LY96: variants seen among roughly 807,000 people sequenced by gnomAD.
The protein encoded by LY96 is lymphocyte antigen 96.
A neutral mutation model predicts 18.9 loss-of-function variants in LY96; 18 were observed. The observed-to-expected ratio is 0.95, with a 90% confidence interval of 0.66 to 1.41. The LOEUF (loss-of-function observed/expected upper bound fraction) is 1.41, where lower values mean the gene tolerates loss of function less well. Among genes scored for constraint, LY96 ranks in the 40% most tolerant of loss-of-function variants. The pLI is 0.00. For synonymous variants in LY96, 66 were observed against 62.6 expected (o/e 1.06, Z -0.26); for missense variants, 175 against 182.4 (o/e 0.96, Z 0.23).
At chr8:74,065,951 C>A in the LY96 span, among the ~76,000 whole-genome samples, 2 of 152,132 alleles carry the variant, frequency 1.3e-5, no homozygotes, top group African/African-American at 4.8e-5. Context: ...TTTGGACATG[C>A]AGGACAATTC....
intron 3 of LY96, among the ~76,000 whole-genome samples, chr8:74,021,586 G>A (rs1024279992): frequency 2.0e-4 from 30 of 152,194 alleles, no homozygotes; most frequent in African/African-American, 7.2e-4. Context: ...TACCCAAAGG[G>A]TTATAAATCA....
the LY96 span, among the ~76,000 whole-genome samples, chr8:74,088,009 A>C: frequency 1.1e-4 from 16 of 151,778 alleles, no homozygotes; most frequent in Admixed American, 3.3e-4. Flanking sequence ...CTAACCACCC[A>C]TCTACCTGAG....
intron 1 of LY96, among the ~76,000 whole-genome samples, chr8:74,001,434 G>T (rs1391994270): frequency 6.6e-6 from 1 of 151,930 alleles, no homozygotes; most frequent in African/African-American, 2.4e-5. Flanking sequence ...TTGCTATGTT[G>T]GCCAGGCTGA....
the LY96 span, chr8:74,052,759 A>G: frequency 3.3e-5 from 5 of 152,204 alleles, no homozygotes; most frequent in Admixed American, 2.0e-4. Flanking sequence ...CATCAATTGC[A>G]TACATTAGAA....
the LY96 span, among the ~76,000 whole-genome samples, chr8:74,035,864 C>A: frequency 6.6e-6 from 1 of 152,148 alleles, no homozygotes; most frequent in African/African-American, 2.4e-5. Context: ...AGCCCCTCAA[C>A]CTCTTTGGGT....
intron 1 of LY96, among the ~76,000 whole-genome samples, chr8:73,996,187 A>G (rs919448449): frequency 2.0e-5 from 3 of 152,140 alleles, no homozygotes; most frequent in East Asian, 1.9e-4. Flanking sequence ...AATTTTTTGT[A>G]GAGACAGTGT....
At chr8:74,050,644 G>C in the LY96 span, among the ~76,000 whole-genome samples, 2 of 151,936 alleles carry the variant, frequency 1.3e-5, no homozygotes, top group African/African-American at 2.4e-5. Flanking sequence ...TCATATTGTT[G>C]CTAATTAAAT....
chr8:73,997,481 G>A (rs1477810710), intron 1 of LY96, among the ~76,000 whole-genome samples: 1 of 152,176 alleles, frequency 6.6e-6, no homozygotes, highest in Non-Finnish European at 1.5e-5. Context: ...GTTAGATAAT[G>A]TGACCCCTCC....
At chr8:74,008,186 G>A (rs1181635269) in intron 2 of LY96, among the ~76,000 whole-genome samples, 1 of 152,224 alleles carries the variant, frequency 6.6e-6, no homozygotes, top group Non-Finnish European at 1.5e-5. Context: ...CAAGGACAAG[G>A]AGTTTCTCAC....
the LY96 span, among the ~76,000 whole-genome samples, chr8:74,081,613 C>T: frequency 5.9e-5 from 9 of 151,354 alleles, no homozygotes; most frequent in Admixed American, 1.3e-4. Context: ...AGTCTGGTCT[C>T]GAGCTCCTGG....
At chr8:74,060,269 G>A in the LY96 span, among the ~76,000 whole-genome samples, 1 of 152,204 alleles carries the variant, frequency 6.6e-6, no homozygotes, top group Non-Finnish European at 1.5e-5. Flanking sequence ...GGTGTTTTCA[G>A]TTATAACAAA....
chr8:74,084,250 C>G, the LY96 span, among the ~76,000 whole-genome samples: 8 of 152,262 alleles, frequency 5.3e-5, no homozygotes, highest in African/African-American at 1.7e-4. Context: ...TCTGGAGACA[C>G]AAAATGCTGA....
the LY96 span, among the ~76,000 whole-genome samples, chr8:74,038,823 A>G: frequency 2.6e-5 from 4 of 152,256 alleles, no homozygotes; most frequent in Non-Finnish European, 5.9e-5. Flanking sequence ...TGCAATAAAC[A>G]TGGGCATGCA....
At chr8:74,086,248 G>C in the LY96 span, among the ~76,000 whole-genome samples, 2 of 152,072 alleles carry the variant, frequency 1.3e-5, no homozygotes, top group Admixed American at 1.3e-4. Flanking sequence ...CCCAATCCTT[G>C]ACTTCTTTTC....
chr8:74,042,771 G>GT, the LY96 span, among the ~76,000 whole-genome samples: 1 of 149,284 alleles, frequency 6.7e-6, no homozygotes, highest in African/African-American at 2.5e-5. Flanking sequence ...GAGAACTTTT[G>GT]TTTTGTTACC....
rs1343711445 is a variant in LY96 at position 74,002,093 on chromosome 8, T to TC, written c.113-2703_113-2702insC. On this transcript the variant is annotated intron_variant, in intron 1 of 4. Transcript: ENST00000284818. ...TTCCTTCCTTTCTTTCTTTCTTTCT[T>TC]TCTCTCTCTCTCTCTCTCTCTCTCT... Among the ~76,000 whole-genome samples the TC allele has an allele frequency of 1.7e-3, 66 of 38,716 alleles. 10 individuals carry two copies. Among genetic ancestry groups the TC allele is most frequent in the African/African-American group, 4.8e-3 (31 of 6,456 alleles). The allele number at this position is 38,716 out of a possible 152,430, so 25.4% of individuals were successfully genotyped here. A position where few individuals can be genotyped will look rare whatever the true frequency, so the allele number is the denominator to read the frequency against.
At chr8:74,053,822 CA>C in the LY96 span, among the ~76,000 whole-genome samples, 1 of 152,218 alleles carries the variant, frequency 6.6e-6, no homozygotes, top group Non-Finnish European at 1.5e-5. Flanking sequence ...ATAAGGATGT[CA>C]GGGTAAGACC....
the LY96 span, among the ~76,000 whole-genome samples, chr8:74,054,656 C>CTTTCTTTCT: frequency 7.7e-6 from 1 of 130,406 alleles, no homozygotes; most frequent in East Asian, 2.6e-4. Context: ...TTCTTTCTTT[C>CTTTCTTTCT]TTTCTTTCTT....
chr8:74,091,048 G>A, the LY96 span, among the ~76,000 whole-genome samples: 12 of 152,100 alleles, frequency 7.9e-5, no homozygotes, highest in Admixed American at 7.2e-4. Flanking sequence ...GACCACATAA[G>A]GCATCATTAG....
Sources: allele counts gnomAD v4.1 joint callset (sites outside exome capture counted in the v4.1 genomes callset), GRCh38; gene constraint gnomAD v4.1.1; transcripts MANE v1.5; gene names NCBI Gene and HGNC (gene_info 2026-07-23, HGNC 2026-07-21).